The following CRIM1 variants were observed in gnomAD, a reference collection of about 807,000 sequenced individuals.
The protein encoded by CRIM1 is cysteine-rich motor neuron 1 protein.
In CRIM1, 32 loss-of-function variants were observed where a neutral mutation model predicts 116.4. That is an observed-to-expected ratio of 0.27 (90% CI 0.21 to 0.37). CRIM1 has a LOEUF of 0.37. Ranked by LOEUF, CRIM1 falls within the 10% of genes least tolerant of loss-of-function variation. The pLI, the probability that CRIM1 is intolerant of heterozygous loss-of-function variation, is 1.00. For missense variants in CRIM1, 1,331 were observed against 1,354.8 expected (o/e 0.98, Z 0.28); for synonymous variants, 590 against 509.2 (o/e 1.16, Z -2.13).
At chr2:36,524,975 G>A (rs539837945) in intron 13 of CRIM1, among the ~76,000 whole-genome samples, 11 of 152,184 alleles carry the variant, frequency 7.2e-5, no homozygotes, top group East Asian at 3.9e-4. Context: ...ATATGAGCTC[G>A]TAATGGTATA....
intron 8 of CRIM1, among the ~76,000 whole-genome samples, chr2:36,502,128 C>T (rs568273462): frequency 2.6e-5 from 4 of 152,252 alleles, no homozygotes; most frequent in East Asian, 1.9e-4. Context: ...CCTACACTTG[C>T]GCCTGGGTTT....
intron 4 of CRIM1, among the ~76,000 whole-genome samples, chr2:36,451,940 C>A (rs1676764334): frequency 1.3e-5 from 2 of 152,170 alleles, no homozygotes; most frequent in African/African-American, 4.8e-5. Flanking sequence ...GTGCTTTTTA[C>A]CATTGTGCTA....
intron 1 of CRIM1, among the ~76,000 whole-genome samples, chr2:36,372,143 G>T (rs1669983719): frequency 6.6e-6 from 1 of 152,130 alleles, no homozygotes. Context: ...CTTCTTTGGG[G>T]AAGGAAATCC....
chr2:36,434,651 C>A (rs1227847337), intron 2 of CRIM1, among the ~76,000 whole-genome samples: 2 of 152,240 alleles, frequency 1.3e-5, no homozygotes, highest in African/African-American at 4.8e-5. Context: ...AGATTTCTTT[C>A]ATTTCTCCAG....
chr2:36,424,138 A>G (rs1295611471), intron 2 of CRIM1, among the ~76,000 whole-genome samples: 1 of 152,250 alleles, frequency 6.6e-6, no homozygotes, highest in African/African-American at 2.4e-5. Flanking sequence ...CATGGAAATC[A>G]CATTTGGTCA....
chr2:36,492,766 A>G (rs1680318594), intron 7 of CRIM1, among the ~76,000 whole-genome samples: 1 of 152,148 alleles, frequency 6.6e-6, no homozygotes, highest in African/African-American at 2.4e-5. Flanking sequence ...TTGAACTGCC[A>G]TGTCAAGTCA....
chr2:36,493,273 GA>G (rs1324950579), intron 7 of CRIM1, among the ~76,000 whole-genome samples: 29 of 148,032 alleles, frequency 2.0e-4, no homozygotes, highest in Middle Eastern at 3.5e-3. Flanking sequence ...AAATAAAAAG[GA>G]AAAAAAAAAG....
chr2:36,539,296 T>A (rs904120050), intron 14 of CRIM1, among the ~76,000 whole-genome samples: 3 of 152,168 alleles, frequency 2.0e-5, no homozygotes, highest in African/African-American at 7.2e-5. Flanking sequence ...GCCAAGGCCC[T>A]GGAGTGGGAA....
intron 2 of CRIM1, among the ~76,000 whole-genome samples, chr2:36,407,337 G>A (rs1044461010): frequency 5.9e-5 from 9 of 152,118 alleles, no homozygotes; most frequent in East Asian, 1.9e-4. Flanking sequence ...AAATTCTAGC[G>A]ATGTCATTGG....
intron 7 of CRIM1, among the ~76,000 whole-genome samples, chr2:36,492,363 A>G (rs1337322729): frequency 2.6e-5 from 4 of 151,886 alleles, no homozygotes; most frequent in Non-Finnish European, 4.4e-5. Context: ...GAATTTGAAA[A>G]CTCCAACCGT....
chr2:36,411,526 A>G (rs981232178), intron 2 of CRIM1, among the ~76,000 whole-genome samples: 7 of 152,216 alleles, frequency 4.6e-5, no homozygotes, highest in Admixed American at 2.6e-4. Flanking sequence ...CCGGAAGAAC[A>G]TTGTATACAA....
intron 12 of CRIM1, among the ~76,000 whole-genome samples, chr2:36,519,646 A>T (rs1315012203): frequency 6.6e-6 from 1 of 152,210 alleles, no homozygotes; most frequent in African/African-American, 2.4e-5. Flanking sequence ...CAGTGGGATA[A>T]CAGCTTCCAA....
intron 2 of CRIM1, among the ~76,000 whole-genome samples, chr2:36,435,916 C>G (rs1675274589): frequency 1.1e-5 from 1 of 89,326 alleles, no homozygotes; most frequent in African/African-American, 5.4e-5. Context: ...CTTTCTATAT[C>G]TGGGCAGGCT....
intron 1 of CRIM1, among the ~76,000 whole-genome samples, chr2:36,384,928 C>A (rs1421491207): frequency 1.3e-5 from 2 of 152,126 alleles, no homozygotes; most frequent in Non-Finnish European, 2.9e-5. Context: ...TGCCAGACTT[C>A]CACTTAAGAT....
intron 2 of CRIM1, among the ~76,000 whole-genome samples, chr2:36,419,027 C>G (rs1381123778): frequency 1.3e-5 from 2 of 152,174 alleles, no homozygotes; most frequent in South Asian, 2.1e-4. Flanking sequence ...TAGTCATTAG[C>G]CTGATGTATC....
chr2:36,410,596 A>G (rs545176130), intron 2 of CRIM1, among the ~76,000 whole-genome samples: 5 of 152,212 alleles, frequency 3.3e-5, no homozygotes, highest in East Asian at 3.9e-4. Flanking sequence ...TTAAGAGGAA[A>G]AGTCCTGAAA....
chr2:36,501,111 ATTTTC>A (rs1412720167), intron 8 of CRIM1, among the ~76,000 whole-genome samples: 5 of 152,080 alleles, frequency 3.3e-5, no homozygotes, highest in Admixed American at 3.3e-4. Flanking sequence ...CATTTGGCCT[ATTTTC>A]TTAAATCTCT....
chr2:36,537,723 C>A (rs1415033140), intron 14 of CRIM1, among the ~76,000 whole-genome samples, 177 bp downstream of exon 14: 1 of 152,226 alleles, frequency 6.6e-6, no homozygotes, highest in African/African-American at 2.4e-5. Flanking sequence ...TATGACCATC[C>A]CGATGAGGGG....
chr2:36,484,702 G>A (rs1484646469), intron 7 of CRIM1, among the ~76,000 whole-genome samples: 2 of 152,174 alleles, frequency 1.3e-5, no homozygotes, highest in Non-Finnish European at 2.9e-5. Flanking sequence ...GGCCTCCTTA[G>A]GTGCACCATC....
Sources: allele counts gnomAD v4.1 joint callset (sites outside exome capture counted in the v4.1 genomes callset), GRCh38; gene constraint gnomAD v4.1.1; transcripts MANE v1.5; gene names NCBI Gene and HGNC (gene_info 2026-07-23, HGNC 2026-07-21).